SECTM1: variants seen among roughly 807,000 people sequenced by gnomAD.
The protein encoded by SECTM1 is secreted and transmembrane protein 1.
Under a neutral mutation model 18.1 loss-of-function variants are expected in SECTM1, and 10 were observed. That is an observed-to-expected ratio of 0.55 (90% CI 0.34 to 0.94). The LOEUF is 0.94. Among genes scored for constraint, SECTM1 ranks in the 40% least tolerant of loss-of-function variants. The probability of loss-of-function intolerance (pLI) is 0.02; values close to 1 mark genes in which losing one functional copy is unlikely to be tolerated. For synonymous variants in SECTM1, 137 were observed against 139.2 expected, an observed-to-expected ratio of 0.98 and a Z score of 0.11; for missense variants, 297 against 322.6, an observed-to-expected ratio of 0.92 and a Z score of 0.61.
Position 82,324,709 on chromosome 17 carries a change from C to T in SECTM1, c.276G>A (p.Gln92=). The T allele has an allele frequency of 6.2e-7, 1 of 1,614,176 alleles. No homozygotes were observed. The highest frequency in any genetic ancestry group is 8.5e-7 in the Non-Finnish European group (1 of 1,180,026). ...GTGCCACGCCTCCCTGAACCTGGAGCTGCCAGCCGTCCCGGGAGAAGTAGC... is the reference window on the plus strand; with the variant it reads ...GTGCCACGCCTCCCTGAACCTGGAGTTGCCAGCCGTCCCGGGAGAAGTAGC... ...APGYFSRDGW[Q]LQVQGGVAQL... The change falls in exon 3 of 5, where the codon CAG becomes CAA. Residue 92 remains glutamine (Q), a synonymous_variant. Transcript: ENST00000269389.
rs1382685382 is a variant in SECTM1, at chr17:82,326,199, C to T, written c.94+948G>A. Among the ~76,000 whole-genome samples, 2 of 152,242 alleles carry T rather than the reference C, an allele frequency of 1.3e-5. No individual in the cohort carries two copies. Among genetic ancestry groups the T allele is most frequent in the African/African-American group, 4.8e-5 (2 of 41,472 alleles). ...ATCTCCCGAAACCAGGGTTCTTCCA[C>T]CTGGGATTCTTCCCTTTCAGTTTTG... is the stretch of plus-strand genomic sequence containing the variant. On this transcript the variant is annotated intron_variant, in intron 2 of 4. Transcript: ENST00000269389. This position sits in a 1 kb window ranked among gnomAD's most constrained non-coding sequence, Gnocchi z 4.3.
At chr17:82,323,389 G>C (rs900665565) in intron 3 of SECTM1, 1 of 213,984 alleles carries the variant, frequency 4.7e-6, no homozygotes, top group Non-Finnish European at 9.5e-6. Context: ...TATCTGAGGA[G>C]CCTCATGCCT....
rs776038579 is a variant in SECTM1, at chr17:82,324,669, C to T, written c.316G>A (p.Gly106Ser). Residue 106 changes from glycine to serine, a missense_variant, in exon 3 of 5, where the codon GGC becomes AGC. Transcript: ENST00000269389. ...QGGVAQLVIKGARDSHAGLYM... is the reference protein window; with the variant it reads ...QGGVAQLVIKSARDSHAGLYM... ...AGCCCAGCATGGGAGTCCCGGGCGCCTTTGATCACCAGCTGTGCCACGCCT... is the reference window on the plus strand; with the variant it reads ...AGCCCAGCATGGGAGTCCCGGGCGCTTTTGATCACCAGCTGTGCCACGCCT... The T allele has an allele frequency of 1.9e-6, 3 of 1,613,944 alleles. No homozygotes were observed. In the African/African-American group the frequency reaches 4.0e-5, roughly 22 times the overall value.
Position 82,321,971 on chromosome 17 carries a change from G to A in SECTM1, c.*190C>T, listed in dbSNP as rs2052093974. The A allele has an allele frequency of 1.7e-6, 1 of 582,874 alleles. No homozygotes were observed. The allele number at this position is 582,874 out of a possible 1,614,324, so 36.1% of individuals were successfully genotyped here. On this transcript the variant is annotated 3_prime_UTR_variant, in exon 5 of 5. Transcript: ENST00000269389. ...TGGTTCCATTTTGGAAACTGAGGAA[G>A]CAGAGCTTGGAAGACCTGGGGGGTG...
intron 3 of SECTM1, 44 bp downstream of exon 3, chr17:82,324,538 C>T (rs1412401820): frequency 3.4e-6 from 3 of 872,042 alleles, no homozygotes; most frequent in East Asian, 4.6e-5. Context: ...TCCCCGTGTC[C>T]CCTCTCACTC....
rs1238974815 is a variant in SECTM1, at chr17:82,321,702, G to C, written c.*459C>G. ...GGGCTGCCGCGGAAGGGCCCCCAAA[G>C]CCTGCTCATAGCCAAGGGACAGGTA... On this transcript the variant is annotated 3_prime_UTR_variant, in exon 5 of 5. Coordinates refer to ENST00000269389, the MANE Select transcript of SECTM1 (RefSeq NM_003004.3). 6.4e-6 allele frequency: 1 copy of C among 156,766 alleles called. No homozygotes were observed. Among genetic ancestry groups the C allele is most frequent in the Non-Finnish European group, 1.4e-5 (1 of 70,574 alleles). The allele number at this position is 156,766 out of a possible 1,614,324, so 9.7% of individuals were successfully genotyped here.
chr17:82,330,677 T>G lies in SECTM1; in HGVS notation c.-53+3023A>C, dbSNP rs111715114. On this transcript the variant is annotated intron_variant, in intron 1 of 4. Transcript: ENST00000269389. The surrounding 1 kb of genome is among the most constrained non-coding windows in gnomAD (Gnocchi z 6.1). ...CTGTGCATTCCATGGGGCCAGCAGC[T>G]CGGTGGAGCCTCTGCTCTCGGGGGC... Among the ~76,000 whole-genome samples the G allele has an allele frequency of 0.058, 8,798 of 151,772 alleles. 359 individuals carry two copies. The highest frequency in any genetic ancestry group is 0.11 in the African/African-American group (4,445 of 41,346).
Position 82,324,770 on chromosome 17 carries a change from C to T in SECTM1, c.215G>A (p.Gly72Glu). ...CTCATTGAAGATGGCGCTCTCCTGC[C>T]CGTGGGCACGCAGCTTGATGTTGAC... ...SHVNIKLRAH[G>E]QESAIFNEVA... Residue 72 changes from glycine to glutamate, a missense_variant, in exon 3 of 5, where the codon GGG becomes GAG. Physicochemically the swap from Gly to Glu is moderately conservative, Grantham distance 98. Transcript: ENST00000269389. 6.2e-7 allele frequency: 1 copy of T among 1,614,078 alleles called. No homozygotes were observed. The highest frequency in any genetic ancestry group is 8.5e-7 in the Non-Finnish European group (1 of 1,179,994).
Position 82,327,291 on chromosome 17 carries a change from C to T in SECTM1, c.-51G>A. On this transcript the variant is annotated splice_region_variant and 5_prime_UTR_variant, in exon 2 of 5. Transcript: ENST00000269389. ...CCTTGTCACTGGCTCTTGAAACACT[C>T]CCTGGAGGAAGGAAAGCCCATGGGT... 1 of 1,503,278 alleles carries T rather than the reference C, an allele frequency of 6.7e-7. No individual in the cohort carries two copies. The highest frequency in any genetic ancestry group is 9.1e-7 in the Non-Finnish European group (1 of 1,101,048). 93.1% of individuals were successfully genotyped at this position (1,503,278 alleles called of 1,614,324 possible).
chr17:82,324,717 C>T lies in SECTM1; in HGVS notation c.268G>A (p.Gly90Ser), dbSNP rs765136359. The change falls in exon 3 of 5, where the codon GGC becomes AGC. Residue 90 changes from glycine (G) to serine (S), a missense_variant. Transcript: ENST00000269389. ...CCTCCCTGAACCTGGAGCTGCCAGCCGTCCCGGGAGAAGTAGCCTGGAGCC... is the reference window on the plus strand; with the variant it reads ...CCTCCCTGAACCTGGAGCTGCCAGCTGTCCCGGGAGAAGTAGCCTGGAGCC... ...EVAPGYFSRDGWQLQVQGGVA... is the reference protein window; with the variant it reads ...EVAPGYFSRDSWQLQVQGGVA... 1.2e-5 allele frequency: 20 copies of T among 1,614,034 alleles called. No homozygotes were observed. The highest frequency in any genetic ancestry group is 5.3e-5 in the African/African-American group (4 of 74,894).
Position 82,321,881 on chromosome 17 carries a change from G to C in SECTM1, c.*280C>G, listed in dbSNP as rs1473460622. 2.3e-6 allele frequency: 1 copy of C among 439,824 alleles called. No individual in the cohort carries two copies. The highest frequency in any genetic ancestry group is 4.1e-6 in the Non-Finnish European group (1 of 241,774). The allele number at this position is 439,824 out of a possible 1,614,324, so 27.2% of individuals were successfully genotyped here. A position where few individuals can be genotyped will look rare whatever the true frequency, so the allele number is the denominator to read the frequency against. ...GGTGGCAGAAAGGGAGTCCGGGTCT[G>C]TGGGTTTGATGAGGGCAGAGGGAGG... On this transcript the variant is annotated 3_prime_UTR_variant, in exon 5 of 5. Coordinates refer to ENST00000269389, the MANE Select transcript of SECTM1 (RefSeq NM_003004.3).
rs150899553 is a variant in SECTM1, at chr17:82,322,886, G to A, written c.529C>T (p.Arg177Cys). ...AWYRCRCSQQ[R>C]REKKFFLLEP... ...GGTGCAGGGCCTCCTACCTCCCGGC[G>A]TTGCTGGGAACAGCGGCACCTGTAC... The change falls in exon 4 of 5, where the codon CGC (arginine) becomes TGC (cysteine). Residue 177 changes from arginine to cysteine, a missense_variant. Transcript: ENST00000269389. 97 of 1,613,610 alleles carry A rather than the reference G, an allele frequency of 6.0e-5. No homozygotes were observed. The highest frequency in any genetic ancestry group is 7.7e-5 in the Non-Finnish European group (91 of 1,179,972).
chr17:82,331,949 GAAC>G (rs2052194912), intron 1 of SECTM1, among the ~76,000 whole-genome samples: 1 of 152,054 alleles, frequency 6.6e-6, no homozygotes, highest in Non-Finnish European at 1.5e-5. Flanking sequence ...AGACCAGTCT[GAAC>G]AACGTGGTGA....
rs1599651326 is a variant in SECTM1 at position 82,321,940 on chromosome 17, G to A, written c.*221C>T. Reference sequence around the variant, plus strand: ...TCCTGGTAAGTCGGGTGCTGCGGAGGTGAGGTGGTTCCATTTTGGAAACTG... The same window carrying A: ...TCCTGGTAAGTCGGGTGCTGCGGAGATGAGGTGGTTCCATTTTGGAAACTG... On this transcript the variant is annotated 3_prime_UTR_variant, in exon 5 of 5. Coordinates refer to ENST00000269389, the MANE Select transcript of SECTM1 (RefSeq NM_003004.3). 3 of 570,542 alleles carry A rather than the reference G, an allele frequency of 5.3e-6. No homozygotes were observed. The East Asian group carries it at 9.3e-5, about 18-fold the overall frequency. 35.3% of individuals were successfully genotyped at this position (570,542 alleles called of 1,614,324 possible). A position where few individuals can be genotyped will look rare whatever the true frequency, so the allele number is the denominator to read the frequency against.
At position 82,330,012 on chromosome 17, in the gene SECTM1, C is replaced by T. The variant is rs981058617; in HGVS notation, c.-52-2720G>A. On this transcript the variant is annotated intron_variant, in intron 1 of 4. Coordinates refer to ENST00000269389, the MANE Select transcript of SECTM1 (RefSeq NM_003004.3). The surrounding 1 kb of genome is among the most constrained non-coding windows in gnomAD (Gnocchi z 6.1). ...ACATCTTTGGGGACTGGTAGCCGAC[C>T]ACAGAACCCCCACCCCCAGTGCGGT... is the stretch of plus-strand genomic sequence containing the variant. Among the ~76,000 whole-genome samples the T allele has an allele frequency of 9.9e-5, 15 of 152,162 alleles. No individual in the cohort carries two copies. The highest frequency in any genetic ancestry group is 3.6e-4 in the African/African-American group (15 of 41,440).
intron 4 of SECTM1, 27 bp from the exon 5 acceptor site, chr17:82,322,397 T>C: frequency 6.2e-7 from 1 of 1,608,044 alleles, no homozygotes; most frequent in South Asian, 1.1e-5. Context: ...GAGGTGCCTG[T>C]GTGAGCCGCG....
At position 82,325,238 on chromosome 17, in the gene SECTM1, G is replaced by A. The variant is rs73999867; in HGVS notation, c.95-348C>T. On this transcript the variant is annotated intron_variant, in intron 2 of 4. Transcript: ENST00000269389. This position sits in a 1 kb window ranked among gnomAD's most constrained non-coding sequence, Gnocchi z 7.6. ...GAAGTCAGAGCCTCAGGTGTGTGCC[G>A]GGCGGCTGCGCTGTGGCAGGAGTGC... 0.02 allele frequency among the ~76,000 whole-genome samples: 3,062 copies of A among 152,272 alleles called. 136 individuals carry two copies. The highest frequency in any genetic ancestry group is 0.07 in the African/African-American group (2,902 of 41,546).
Position 82,323,064 on chromosome 17 carries a change from T to C in SECTM1, c.404-53A>G, listed in dbSNP as rs114200658. 20,464 of 1,555,608 alleles carry C rather than the reference T, an allele frequency of 0.013. 1,434 individuals are homozygous for C. In the African/African-American group the frequency reaches 0.19, roughly 15 times the overall value. ...GGTGGGCTGGGCATCCCCCACCCCC[T>C]ACCTCCTCCGTGTAGCTCCCAGCCT... is the stretch of plus-strand genomic sequence containing the variant. On this transcript the variant is annotated intron_variant, in intron 3 of 4. Coordinates refer to ENST00000269389, the MANE Select transcript of SECTM1 (RefSeq NM_003004.3).
intron 3 of SECTM1, 171 bp from the exon 4 acceptor site, chr17:82,323,182 G>A: frequency 1.4e-6 from 1 of 707,950 alleles, no homozygotes; most frequent in African/African-American, 1.8e-5. Flanking sequence ...GAGCCAGGAG[G>A]AGAGGGGGCG....
Sources: gnomAD v4.1 joint callset for allele counts (sites outside exome capture counted in the v4.1 genomes callset) on GRCh38, gnomAD v4.1.1 for gene constraint, Gnocchi (gnomAD v3.1) non-coding constraint, MANE v1.5 for transcripts, NCBI Gene and HGNC (gene_info 2026-07-23, HGNC 2026-07-21) for gene names.